Variants in GRHPR observed in about 807,000 individuals in gnomAD.
GRHPR encodes glyoxylate reductase/hydroxypyruvate reductase.
In GRHPR, 35 loss-of-function variants were observed where a neutral mutation model predicts 36.8. The ratio of observed to expected loss-of-function variants is 0.95; its 90% CI spans 0.73 to 1.26. The LOEUF (loss-of-function observed/expected upper bound fraction) is 1.26. Among genes scored for constraint, GRHPR ranks in the 50% most tolerant of loss-of-function variants. GRHPR has a pLI of 0.00. For missense variants in GRHPR, 380 were observed against 435.0 expected, an observed-to-expected ratio of 0.87 and a Z score of 1.12; for synonymous variants, 179 against 181.0, an observed-to-expected ratio of 0.99 and a Z score of 0.09.
Position 37,430,197 on chromosome 9 carries a change from C to T in GRHPR, c.599-314C>T, listed in dbSNP as rs747775561. On this transcript the variant is annotated intron_variant, in intron 6 of 8. Transcript: ENST00000318158. The stretch of plus-strand genomic sequence containing the variant: ...CAAGCACTACCCTAGCCTTTGTGTG[C>T]GCCCCTTAGTCCAGGCGGATCCAGC... 229 of 538,860 alleles carry T rather than the reference C, an allele frequency of 4.2e-4. 1 individual carries two copies. Among genetic ancestry groups the T allele is most frequent in the Non-Finnish European group, 7.2e-4 (214 of 299,150 alleles). 33.4% of individuals were successfully genotyped at this position (538,860 alleles called of 1,614,324 possible). A position where few individuals can be genotyped will look rare whatever the true frequency, so the allele number is the denominator to read the frequency against.
At chr9:37,434,502 G>A (rs1179907160) in intron 8 of GRHPR, 9 of 494,896 alleles carry the variant, frequency 1.8e-5, no homozygotes, top group Non-Finnish European at 3.0e-5. Flanking sequence ...GTGAGGCAGA[G>A]GTAGAGGAAA....
At chr9:37,430,900 A>G (rs1354427461) in intron 7 of GRHPR, 1 of 603,708 alleles carries the variant, frequency 1.7e-6, no homozygotes, top group African/African-American at 1.8e-5. Context: ...GGCACACAGC[A>G]GCGTGGCTTC....
At chr9:37,434,288 G>A (rs763252512) in intron 8 of GRHPR, 15 of 454,398 alleles carry the variant, frequency 3.3e-5, no homozygotes, top group African/African-American at 1.4e-4. Context: ...GGGGGAGCAC[G>A]GATTGAGGCT....
At chr9:37,429,445 T>C (rs539078507) in intron 5 of GRHPR, 52 of 473,338 alleles carry the variant, frequency 1.1e-4, no homozygotes, top group African/African-American at 8.8e-4. Context: ...AGGAAAAACC[T>C]GAGTGGCTTT....
intron 8 of GRHPR, 67 bp from the exon 9 acceptor site, chr9:37,436,594 A>G (rs1823662668): frequency 4.4e-6 from 7 of 1,590,848 alleles, no homozygotes; most frequent in Admixed American, 3.3e-5. Flanking sequence ...AAGCCATGAA[A>G]ACAGCCCAGC....
intron 7 of GRHPR, 194 bp downstream of exon 7, chr9:37,430,840 T>C: frequency 1.5e-6 from 1 of 688,112 alleles, no homozygotes; most frequent in Non-Finnish European, 2.7e-6. Flanking sequence ...GCCGTCAGAG[T>C]GGGCCTGGCC....
chr9:37,425,494 C>T (rs60473180), intron 2 of GRHPR, among the ~76,000 whole-genome samples: 2,431 of 152,350 alleles, frequency 0.016, 60 homozygotes, highest in African/African-American at 0.054. Context: ...AGTGCTGAGC[C>T]GCCCCACATC....
intron 4 of GRHPR, among the ~76,000 whole-genome samples, chr9:37,426,911 A>G (rs573114077): frequency 6.6e-6 from 1 of 151,600 alleles, no homozygotes; most frequent in East Asian, 1.9e-4. Flanking sequence ...AGATCACACC[A>G]TTGCACTCCA....
intron 5 of GRHPR, chr9:37,429,483 G>C (rs1823244407): frequency 3.6e-6 from 2 of 557,992 alleles, no homozygotes; most frequent in Non-Finnish European, 6.5e-6. Flanking sequence ...TGTGAGGACA[G>C]CATCAGCCAG....
downstream of GRHPR, chr9:37,438,228 G>T (rs143979782): frequency 1.2e-3 from 189 of 152,756 alleles, no homozygotes; most frequent in African/African-American, 4.2e-3. Context: ...CACCAGAAAA[G>T]ATTCTACATG....
rs773952815 is a variant in GRHPR at position 37,426,016 on chromosome 9, G to A, written c.287+22G>A. On this transcript the variant is annotated intron_variant, in intron 3 of 8. Transcript: ENST00000318158. ...AGCGGTAACTGCAGCTTGGGATCTG[G>A]AGGGGGCCTAGAGAGAGGGGTGGCT... The A allele has an allele frequency of 3.9e-6, 6 of 1,547,942 alleles. No individual in the cohort carries two copies. The African/African-American group carries it at 8.1e-5, about 21-fold the overall frequency.
At chr9:37,439,241 G>A (rs1364895483), downstream of GRHPR, 1 of 152,222 alleles carries the variant, frequency 6.6e-6, no homozygotes, top group African/African-American at 2.4e-5. Flanking sequence ...AGGTGAGGCT[G>A]GGGAAGTGAG....
intron 7 of GRHPR, 134 bp from the exon 8 acceptor site, chr9:37,431,874 G>A: frequency 4.5e-6 from 4 of 881,130 alleles, no homozygotes; most frequent in Non-Finnish European, 5.6e-6. Context: ...CATACTGTAA[G>A]TATACCTAAG....
chr9:37,425,109 G>A (rs138301447), intron 2 of GRHPR, 134 bp downstream of exon 2: 358 of 876,378 alleles, frequency 4.1e-4, no homozygotes, highest in Middle Eastern at 2.5e-3. Flanking sequence ...AGGCCCGAGC[G>A]GGCAGATAGC....
chr9:37,435,347 CTGACA>C (rs1375090914), intron 8 of GRHPR, among the ~76,000 whole-genome samples: 1 of 152,202 alleles, frequency 6.6e-6, no homozygotes, highest in African/African-American at 2.4e-5. Context: ...TACTTCATTC[CTGACA>C]TATTTTGGTT....
At position 37,422,922 on chromosome 9, in the gene GRHPR, G is replaced by A. The variant is rs1039847062; in HGVS notation, c.83+89G>A. On this transcript the variant is annotated intron_variant, in intron 1 of 8. Coordinates refer to ENST00000318158, the MANE Select transcript of GRHPR (RefSeq NM_012203.2). ...GGGCGTTTGGGCCTTGTGGCCGGCTGGGGCAGGCTTGGAGTTTTGGGGAGT... is the reference window on the plus strand; with the variant it reads ...GGGCGTTTGGGCCTTGTGGCCGGCTAGGGCAGGCTTGGAGTTTTGGGGAGT... 6 of 960,612 alleles carry A rather than the reference G, an allele frequency of 6.2e-6. No individual in the cohort carries two copies. In the African/African-American group the frequency reaches 9.7e-5, roughly 16 times the overall value. The allele number at this position is 960,612 out of a possible 1,614,324, so 59.5% of individuals were successfully genotyped here.
At chr9:37,422,912 G>A (rs1212678615) in intron 1 of GRHPR, 79 bp downstream of exon 1, 1 of 1,046,174 alleles carries the variant, frequency 9.6e-7, no homozygotes, top group East Asian at 2.6e-5. Context: ...TTTGGGCCTT[G>A]TGGCCGGCTG....
chr9:37,436,468 A>G (rs1313161126), intron 8 of GRHPR, among the ~76,000 whole-genome samples, 193 bp from the exon 9 acceptor site: 1 of 151,920 alleles, frequency 6.6e-6, no homozygotes, highest in Admixed American at 6.6e-5. Context: ...GAGGCCCTTC[A>G]CTCTGTTAGT....
chr9:37,434,026 C>T, intron 8 of GRHPR: 1 of 330,336 alleles, frequency 3.0e-6, no homozygotes, highest in Non-Finnish European at 5.4e-6. Flanking sequence ...AGGAAAACTG[C>T]CCTCCCACCC....
Sources: gnomAD v4.1 joint callset for allele counts (sites outside exome capture counted in the v4.1 genomes callset) on GRCh38, gnomAD v4.1.1 for gene constraint, MANE v1.5 for transcripts, NCBI Gene and HGNC (gene_info 2026-07-23, HGNC 2026-07-21) for gene names.